DNAH1: variants seen among roughly 807,000 people sequenced by gnomAD.
DNAH1 encodes the protein dynein axonemal heavy chain 1, also known as axonemal beta dynein heavy chain 1.
In DNAH1, 327 loss-of-function variants were observed where a neutral mutation model predicts 484.3. That is an observed-to-expected ratio of 0.68 (90% CI 0.62 to 0.74). The LOEUF (loss-of-function observed/expected upper bound fraction) is 0.74, where lower values mean the gene tolerates loss of function less well. Ranked by LOEUF, DNAH1 falls within the 30% of genes least tolerant of loss-of-function variation. The probability of loss-of-function intolerance (pLI) is 0.00; values close to 1 mark genes in which losing one functional copy is unlikely to be tolerated. For synonymous variants in DNAH1, 2,192 were observed against 2,191.9 expected (o/e 1.00, Z 0.00); for missense variants, 5,052 against 5,546.8 (o/e 0.91, Z 2.83).
chr3:52,312,308 G>A (rs768395687), upstream of DNAH1, among the ~76,000 whole-genome samples: 107 of 152,038 alleles, frequency 7.0e-4, 1 homozygote, highest in Non-Finnish European at 1.3e-3. Context: ...GAGAACAGAC[G>A]GGGGTATCTT....
chr3:52,312,643 G>A (rs552047120), upstream of DNAH1, among the ~76,000 whole-genome samples: 10 of 150,960 alleles, frequency 6.6e-5, no homozygotes, highest in South Asian at 8.4e-4. Flanking sequence ...GCTAATTTTC[G>A]TATTTGTTTT....
chr3:52,396,924 G>GC lies in DNAH1; in HGVS notation c.11667_11668insC (p.Asp3890ArgfsTer16), dbSNP rs765688686. 3.0e-5 allele frequency: 49 copies of GC among 1,613,400 alleles called. No homozygotes were observed. Among genetic ancestry groups the GC allele is most frequent in the African/African-American group, 8.0e-5 (6 of 74,882 alleles). ...ACGGGGGCCGTGTCACTGATGACTG[G>GC]GACCGGCGCTGCATCATGAACATCT... On this transcript the variant is annotated frameshift_variant, in exon 73 of 78. Transcript: ENST00000420323. LOFTEE classifies it high-confidence loss of function.
intron 46 of DNAH1, among the ~76,000 whole-genome samples, chr3:52,376,968 C>T (rs1703632056): frequency 6.6e-6 from 1 of 152,102 alleles, no homozygotes; most frequent in Non-Finnish European, 1.5e-5. Flanking sequence ...TCCCCCATCC[C>T]TGGCTGCCCA....
intron 16 of DNAH1, among the ~76,000 whole-genome samples, 196 bp from the exon 17 acceptor site, chr3:52,351,766 G>A (rs1040705388): frequency 3.3e-5 from 5 of 152,212 alleles, no homozygotes; most frequent in Non-Finnish European, 5.9e-5. Context: ...CCTCCCTGAT[G>A]GTGGCAGTCG....
In DNAH1 at chr3:52,372,252, C is replaced by T. The variant is rs746247385; in HGVS notation, c.6692C>T (p.Thr2231Met). Residue 2231 changes from threonine to methionine, a missense_variant, in exon 43 of 78, where the codon ACG becomes ATG. This residue lies in a region of DNAH1 where 2,929 missense variants were observed against 3,409.4 expected (regional missense o/e 0.86). Transcript: ENST00000420323. ...KPVLCIGPTG[T>M]GKTLTISDKL... The stretch of plus-strand genomic sequence containing the variant: ...GTGCTGTGCATTGGGCCAACAGGCA[C>T]GGGGAAGACGCTCACCATCTCTGAC... The T allele has an allele frequency of 1.1e-5, 17 of 1,613,924 alleles. No homozygotes were observed. Among genetic ancestry groups the T allele is most frequent in the Admixed American group, 1.0e-4 (6 of 60,010 alleles).
chr3:52,398,237 T>C, intron 75 of DNAH1, 75 bp downstream of exon 75: 19 of 1,503,436 alleles, frequency 1.3e-5, no homozygotes, highest in Non-Finnish European at 1.6e-5. Flanking sequence ...GGGGTTACTA[T>C]GGGCCAGGTG....
Position 52,353,185 on chromosome 3 carries a change from C to T in DNAH1, c.3110C>T (p.Ser1037Leu), listed in dbSNP as rs745489387. 17 of 1,613,828 alleles carry T rather than the reference C, an allele frequency of 1.1e-5. No individual in the cohort carries two copies. Among genetic ancestry groups the T allele is most frequent in the South Asian group, 3.3e-5 (3 of 91,082 alleles). ...WTTASDWLRW[S>L]ESWMNDPLSA... Reference sequence around the variant, plus strand: ...ACAGCGTCTGACTGGCTGCGCTGGTCGGAGAGCTGGATGAATGACCCCCTC... The same window carrying T: ...ACAGCGTCTGACTGGCTGCGCTGGTTGGAGAGCTGGATGAATGACCCCCTC... The change falls in exon 19 of 78, where the codon TCG becomes TTG. Residue 1037 changes from serine to leucine, a missense_variant. Ser to Leu is a moderately radical substitution (Grantham distance 145). Transcript: ENST00000420323. This position sits in a 1 kb window ranked among gnomAD's most constrained non-coding sequence, Gnocchi z 5.0.
intron 75 of DNAH1, among the ~76,000 whole-genome samples, chr3:52,398,444 C>T (rs368224993): frequency 3.3e-5 from 5 of 152,120 alleles, no homozygotes; most frequent in Admixed American, 6.5e-5. Flanking sequence ...ACCTAATTAG[C>T]GCGCCCAGCT....
At chr3:52,389,406 G>T (rs1357749189) in intron 59 of DNAH1, 55 bp from the exon 60 acceptor site, 9 of 1,606,314 alleles carry the variant, frequency 5.6e-6, no homozygotes, top group East Asian at 2.2e-5. Context: ...AGTGGGAGTT[G>T]GGAGGTCTCT....
At chr3:52,398,261 T>A in intron 75 of DNAH1, 99 bp downstream of exon 75, 1 of 1,410,564 alleles carries the variant, frequency 7.1e-7, no homozygotes, top group Non-Finnish European at 9.4e-7. Context: ...TGCCAAGTGC[T>A]ACACATCCTC....
In DNAH1 at chr3:52,359,955, C is replaced by T. The variant is rs367684134; in HGVS notation, c.4447C>T (p.Arg1483Cys). ...LVALVRGKLS[R>C]MQRAVLSALI... ...GGCCCTTGTGCGGGGGAAGCTGTCC[C>T]GCATGCAGCGGGCAGTGCTGTCAGC... Residue 1483 changes from arginine to cysteine, a missense_variant, in exon 27 of 78, where the codon CGC becomes TGC. By Grantham distance (180) the Arg-to-Cys change is radical. Coordinates refer to ENST00000420323, the MANE Select transcript of DNAH1 (RefSeq NM_015512.5). 2.1e-5 allele frequency: 34 copies of T among 1,613,744 alleles called. No individual in the cohort carries two copies. In the East Asian group the frequency reaches 3.6e-4, roughly 17 times the overall value.
Position 52,378,697 on chromosome 3 carries a change from G to A in DNAH1, c.7294G>A (p.Ala2432Thr). ...TITSQLLPTP[A>T]KSHYTFNLRD... is the part of the protein sequence containing the mutation. ...CACCTCCCAGCTGCTGCCCACTCCA[G>A]CCAAGTCCCACTACACCTTCAACCT... is the stretch of plus-strand genomic sequence containing the variant. The change falls in exon 47 of 78, where the codon GCC (alanine) becomes ACC (threonine). Residue 2432 changes from alanine to threonine, a missense_variant. Transcript: ENST00000420323. 1 of 1,613,810 alleles carries A rather than the reference G, an allele frequency of 6.2e-7. No individual in the cohort carries two copies. The highest frequency in any genetic ancestry group is 8.5e-7 in the Non-Finnish European group (1 of 1,179,886).
At chr3:52,337,678 C>A (rs1265172647) in intron 8 of DNAH1, among the ~76,000 whole-genome samples, 1 of 152,102 alleles carries the variant, frequency 6.6e-6, no homozygotes, top group Non-Finnish European at 1.5e-5. Flanking sequence ...TTAAAAATTC[C>A]TTTTGGCATT....
rs529591809 is a variant in DNAH1, at chr3:52,386,177, C to T, written c.8643C>T (p.Ala2881=). The T allele has an allele frequency of 1.1e-5, 17 of 1,613,180 alleles. No homozygotes were observed. The African/African-American group carries it at 1.1e-4, about 10-fold the overall frequency. Residue 2881 remains alanine, a synonymous_variant, in exon 55 of 78, where the codon GCC becomes GCT. Transcript: ENST00000420323. ...ATCCCCAGGTGGATACGGCCATCGC[C>T]GAGGAGACCCGGAATTCAGTGCAGA... ...MEQIKVDTAI[A]EETRNSVQTE...
upstream of DNAH1, among the ~76,000 whole-genome samples, chr3:52,313,029 C>T (rs995754053): frequency 2.6e-5 from 4 of 152,088 alleles, no homozygotes; most frequent in African/African-American, 4.8e-5. Flanking sequence ...TCAAATGATC[C>T]GCCCACCTCG....
At chr3:52,374,970 C>T (rs1186497180) in intron 44 of DNAH1, 10 of 340,384 alleles carry the variant, frequency 2.9e-5, no homozygotes, top group African/African-American at 6.4e-5. Flanking sequence ...ACCATGGGGG[C>T]GGGGGGTGGG....
intron 41 of DNAH1, among the ~76,000 whole-genome samples, chr3:52,371,379 C>T (rs1453643375): frequency 1.3e-5 from 2 of 152,226 alleles, no homozygotes; most frequent in African/African-American, 2.4e-5. Flanking sequence ...TTGGGTCTAA[C>T]GTTTAAGACT....
chr3:52,371,441 C>T (rs375329338), intron 41 of DNAH1, among the ~76,000 whole-genome samples: 6 of 152,330 alleles, frequency 3.9e-5, no homozygotes, highest in African/African-American at 1.2e-4. Context: ...CATCAGGGGA[C>T]GTCTGCAAGC....
At chr3:52,384,092 C>G in intron 52 of DNAH1, 61 bp downstream of exon 52, 1 of 1,456,854 alleles carries the variant, frequency 6.9e-7, no homozygotes, top group South Asian at 1.4e-5. Flanking sequence ...GGCATGGGCT[C>G]AGGGTCACCA....
Sources: gnomAD v4.1 joint callset for allele counts (sites outside exome capture counted in the v4.1 genomes callset) on GRCh38, gnomAD v4.1.1 for gene constraint, gnomAD v4.1.1 regional missense constraint, Gnocchi (gnomAD v3.1) non-coding constraint, MANE v1.5 for transcripts, NCBI Gene and HGNC (gene_info 2026-07-23, HGNC 2026-07-21) for gene names.